CSMD1: variants seen among roughly 807,000 people sequenced by gnomAD.
CSMD1 encodes the protein CUB and sushi domain-containing protein 1.
CSMD1 carries 213 observed loss-of-function variants against 417.5 expected under a neutral mutation model. The ratio of observed to expected loss-of-function variants is 0.51; its 90% confidence interval spans 0.46 to 0.57. The LOEUF (loss-of-function observed/expected upper bound fraction) is 0.57, where lower values mean the gene tolerates loss of function less well. Ranked by LOEUF, CSMD1 falls within the 20% of genes least tolerant of loss-of-function variation. The probability of loss-of-function intolerance (pLI) is 0.00; values close to 1 mark genes in which losing one functional copy is unlikely to be tolerated. For synonymous variants in CSMD1, 2,862 were observed against 1,736.8 expected, an observed-to-expected ratio of 1.65 and a Z score of -16.11; for missense variants, 6,923 against 4,529.7, an observed-to-expected ratio of 1.53 and a Z score of -15.17.
At chr8:3,982,737 G>A (rs185606462) in intron 5 of CSMD1, among the ~76,000 whole-genome samples, 226 of 152,194 alleles carry the variant, frequency 1.5e-3, no homozygotes, top group Non-Finnish European at 2.6e-3. Context: ...TCTGTAGGAG[G>A]CTTAACGTGG....
At chr8:3,077,567 C>A (rs1229312412) in intron 49 of CSMD1, among the ~76,000 whole-genome samples, 1 of 152,232 alleles carries the variant, frequency 6.6e-6, no homozygotes, top group Non-Finnish European at 1.5e-5. Flanking sequence ...GTAGTCACTT[C>A]CTTTGAATTG....
chr8:4,645,273 T>C (rs906759858), intron 1 of CSMD1, among the ~76,000 whole-genome samples: 3 of 151,752 alleles, frequency 2.0e-5, no homozygotes, highest in Non-Finnish European at 4.4e-5. Context: ...ACGGATATGA[T>C]GTCAATGTTG....
intron 2 of CSMD1, among the ~76,000 whole-genome samples, chr8:4,534,794 G>T (rs1356791195): frequency 3.3e-5 from 5 of 151,974 alleles, no homozygotes; most frequent in South Asian, 4.1e-4. Context: ...GTGGAGTCTT[G>T]CTCCGTTGCC....
intron 3 of CSMD1, among the ~76,000 whole-genome samples, chr8:4,080,311 G>C (rs948953791): frequency 4.6e-5 from 7 of 152,240 alleles, no homozygotes; most frequent in African/African-American, 1.4e-4. Flanking sequence ...CTAAGAGTAA[G>C]GCACGATCTT....
chr8:4,840,323 C>G (rs1271417289), intron 1 of CSMD1, among the ~76,000 whole-genome samples: 1 of 152,190 alleles, frequency 6.6e-6, no homozygotes, highest in Non-Finnish European at 1.5e-5. Context: ...TTCAGCACAG[C>G]TGTTAACTGT....
At chr8:3,423,459 T>G (rs560589471) in intron 12 of CSMD1, among the ~76,000 whole-genome samples, 1 of 152,248 alleles carries the variant, frequency 6.6e-6, no homozygotes, top group Non-Finnish European at 1.5e-5. Flanking sequence ...TTTCTTTCAC[T>G]GAGTGTAATG....
chr8:3,245,153 A>G (rs556770124), intron 26 of CSMD1, among the ~76,000 whole-genome samples: 76 of 152,278 alleles, frequency 5.0e-4, no homozygotes, highest in African/African-American at 1.7e-3. Context: ...TGTATTTACT[A>G]TTTTGCCCTC....
intron 52 of CSMD1, among the ~76,000 whole-genome samples, chr8:3,008,134 T>C (rs1485764301): frequency 6.6e-6 from 1 of 152,186 alleles, no homozygotes; most frequent in Non-Finnish European, 1.5e-5. Flanking sequence ...TGAGTCCATT[T>C]TCATAGCAAA....
At chr8:4,227,491 G>T (rs1364483753) in intron 3 of CSMD1, among the ~76,000 whole-genome samples, 2 of 152,084 alleles carry the variant, frequency 1.3e-5, no homozygotes, top group African/African-American at 4.8e-5. Context: ...CTGTGCCCTT[G>T]AGGCTGGAGG....
chr8:4,102,371 G>T (rs1050454354), intron 3 of CSMD1, among the ~76,000 whole-genome samples: 1 of 152,168 alleles, frequency 6.6e-6, no homozygotes, highest in Non-Finnish European at 1.5e-5. Context: ...AAGAGAAACT[G>T]GACATTGGTA....
In CSMD1 at chr8:4,662,062, A is replaced by C. The variant is rs573183009; in HGVS notation, c.86-24504T>G. Among the ~76,000 whole-genome samples the C allele has an allele frequency of 2.0e-5, 3 of 152,304 alleles. No individual in the cohort carries two copies. In the South Asian group the frequency reaches 6.2e-4, roughly 32 times the overall value. ...GTCAATGATGTAACTGTGTTGAGAC[A>C]TTATATTAAGATAAAAATTTGGGAC... On this transcript the variant is annotated intron_variant, in intron 1 of 69. Coordinates refer to ENST00000635120, the MANE Select transcript of CSMD1 (RefSeq NM_033225.6).
chr8:3,924,604 T>C (rs1192424708), intron 5 of CSMD1, among the ~76,000 whole-genome samples: 1 of 152,224 alleles, frequency 6.6e-6, no homozygotes, highest in Non-Finnish European at 1.5e-5. Flanking sequence ...ATCTGTCTTA[T>C]ATTTCACTAA....
chr8:3,776,424 G>C (rs1033407654), intron 5 of CSMD1, among the ~76,000 whole-genome samples: 7 of 152,116 alleles, frequency 4.6e-5, no homozygotes, highest in African/African-American at 1.4e-4. Context: ...TCTCACTCCT[G>C]TCCTTCTCTA....
chr8:3,384,699 A>T (rs1424451925), intron 18 of CSMD1, among the ~76,000 whole-genome samples: 7 of 112,198 alleles, frequency 6.2e-5, no homozygotes, highest in Non-Finnish European at 1.0e-4. Context: ...ATTTATATAA[A>T]TTATATATAA....
At chr8:3,974,265 C>G (rs1273257275) in intron 5 of CSMD1, among the ~76,000 whole-genome samples, 2 of 151,496 alleles carry the variant, frequency 1.3e-5, no homozygotes, top group African/African-American at 4.8e-5. Flanking sequence ...AATTATTTTT[C>G]TTTGATTTTT....
chr8:4,068,405 G>GA (rs2130768722), intron 3 of CSMD1, among the ~76,000 whole-genome samples: 1 of 152,272 alleles, frequency 6.6e-6, no homozygotes, highest in Non-Finnish European at 1.5e-5. Context: ...TCACACTGGG[G>GA]AGAGACATGA....
intron 46 of CSMD1, among the ~76,000 whole-genome samples, chr8:3,099,897 T>G (rs1029558330): frequency 1.3e-5 from 2 of 152,208 alleles, no homozygotes; most frequent in African/African-American, 4.8e-5. Context: ...AGCAGATAAT[T>G]TGTAGAGAAT....
At chr8:4,378,916 C>T (rs1802923372) in intron 3 of CSMD1, among the ~76,000 whole-genome samples, 1 of 152,166 alleles carries the variant, frequency 6.6e-6, no homozygotes, top group Non-Finnish European at 1.5e-5. Flanking sequence ...CTTGGACTTC[C>T]CAGCCCCTGG....
chr8:3,344,045 C>G (rs1178151903), intron 22 of CSMD1, among the ~76,000 whole-genome samples: 1 of 152,124 alleles, frequency 6.6e-6, no homozygotes, highest in African/African-American at 2.4e-5. Context: ...TTAAAATGCT[C>G]TGTATGTGGC....
Sources: gnomAD v4.1 joint callset for allele counts (sites outside exome capture counted in the v4.1 genomes callset) on GRCh38, gnomAD v4.1.1 for gene constraint, MANE v1.5 for transcripts, NCBI Gene and HGNC (gene_info 2026-07-23, HGNC 2026-07-21) for gene names.